The following KIFC1 variants were observed in gnomAD, a reference collection of about 807,000 sequenced individuals.
KIFC1 encodes the protein kinesin-like protein KIFC1.
A neutral mutation model predicts 66.6 loss-of-function variants in KIFC1; 37 were observed. That is an observed-to-expected ratio of 0.56 (90% CI 0.43 to 0.73). The LOEUF is 0.73. Ranked by LOEUF, KIFC1 falls within the 30% of genes least tolerant of loss-of-function variation. KIFC1 has a pLI of 0.00. For synonymous variants in KIFC1, 325 were observed against 343.5 expected, an observed-to-expected ratio of 0.95 and a Z score of 0.60; for missense variants, 721 against 859.8, an observed-to-expected ratio of 0.84 and a Z score of 2.02.
At position 33,405,133 on chromosome 6, in the gene KIFC1, C is replaced by A; in HGVS notation, c.1038C>A (p.Thr346=). The A allele has an allele frequency of 6.2e-7, 1 of 1,614,156 alleles. No homozygotes were observed. Among genetic ancestry groups the A allele is most frequent in the Non-Finnish European group, 8.5e-7 (1 of 1,180,042 alleles). ...CTGGTGGGCCCTCTGATCCTCCAACCCGCCTTAGCCTCTCCCGGTCTGACG... is the reference window on the plus strand; with the variant it reads ...CTGGTGGGCCCTCTGATCCTCCAACACGCCTTAGCCTCTCCCGGTCTGACG... ...SGPGGPSDPP[T]RLSLSRSDER... Residue 346 remains threonine, a synonymous_variant, in exon 7 of 11, where the codon ACC becomes ACA. Coordinates refer to ENST00000428849, the MANE Select transcript of KIFC1 (RefSeq NM_002263.4). This position sits in a 1 kb window ranked among gnomAD's most constrained non-coding sequence, Gnocchi z 5.4.
At position 33,409,754 on chromosome 6, in the gene KIFC1, T is replaced by TCC. The variant is rs1161045535; in HGVS notation, c.*66_*67dup. The TCC allele has an allele frequency of 1.2e-4, 165 of 1,343,402 alleles. No individual in the cohort carries two copies. In the African/African-American group the frequency reaches 2.0e-3, roughly 16 times the overall value. 83.2% of individuals were successfully genotyped at this position (1,343,402 alleles called of 1,614,324 possible). ...GTGTGTGTGTGTGTGTGTGTGTGTGTCCCTATGTCTATGTATCGGGTGAGG... is the reference window on the plus strand; with the variant it reads ...GTGTGTGTGTGTGTGTGTGTGTGTGTCCCCCTATGTCTATGTATCGGGTGAGG... On this transcript the variant is annotated 3_prime_UTR_variant, in exon 11 of 11. Transcript: ENST00000428849.
rs1263187066 is a variant in KIFC1 at position 33,406,072 on chromosome 6, T to TA, written c.1537-123dup. On this transcript the variant is annotated intron_variant, in intron 7 of 10. Coordinates refer to ENST00000428849, the MANE Select transcript of KIFC1 (RefSeq NM_002263.4). The surrounding 1 kb of genome is among the most constrained non-coding windows in gnomAD (Gnocchi z 4.5). ...CCATTTTCAGACATACTGTGCATCTTATTTTGTTTCTTGACAGGCTAGAAA... is the reference window on the plus strand; with the variant it reads ...CCATTTTCAGACATACTGTGCATCTTAATTTTGTTTCTTGACAGGCTAGAAA... 2.2e-5 allele frequency: 19 copies of TA among 871,602 alleles called. No homozygotes were observed. The highest frequency in any genetic ancestry group is 5.3e-6 in the Non-Finnish European group (3 of 565,628). 54.0% of individuals were successfully genotyped at this position (871,602 alleles called of 1,614,324 possible). A position where few individuals can be genotyped will look rare whatever the true frequency, so the allele number is the denominator to read the frequency against.
At chr6:33,393,032 G>T (rs571133751) in intron 1 of KIFC1, among the ~76,000 whole-genome samples, 21 of 152,254 alleles carry the variant, frequency 1.4e-4, no homozygotes, top group African/African-American at 4.8e-4. Context: ...GAAATTCAAG[G>T]TTGAGGACAT....
At chr6:33,393,325 C>T (rs987947553) in intron 1 of KIFC1, among the ~76,000 whole-genome samples, 5 of 150,898 alleles carry the variant, frequency 3.3e-5, no homozygotes, top group African/African-American at 7.3e-5. Flanking sequence ...TTGTGGGGGT[C>T]GTTGTGAGGA....
upstream of KIFC1, chr6:33,391,669 C>A (rs1348384448): frequency 1.8e-6 from 1 of 560,752 alleles, no homozygotes; most frequent in Non-Finnish European, 3.2e-6. Context: ...AATCCGCCTA[C>A]CTCTCCTGCG....
chr6:33,392,407 T>A (rs1346567782), intron 1 of KIFC1, among the ~76,000 whole-genome samples: 1 of 152,252 alleles, frequency 6.6e-6, no homozygotes, highest in Non-Finnish European at 1.5e-5. Context: ...ACATCCTTGC[T>A]GAGGTCCTTT....
Position 33,406,841 on chromosome 6 carries a change from C to T in KIFC1, c.1943C>T (p.Ser648Phe). 1 of 1,614,124 alleles carries T rather than the reference C, an allele frequency of 6.2e-7. No homozygotes were observed. Among genetic ancestry groups the T allele is most frequent in the Non-Finnish European group, 8.5e-7 (1 of 1,180,010 alleles). ...VNISPLEENVSESLNSLRFAS... is the reference protein window; with the variant it reads ...VNISPLEENVFESLNSLRFAS... ...ATTTCTCCACTGGAAGAGAACGTCT[C>T]CGAGTCCCTCAACTCTCTACGCTTT... Residue 648 changes from serine to phenylalanine, a missense_variant, in exon 10 of 11, where the codon TCC becomes TTC. By Grantham distance (155) the Ser-to-Phe change is radical (BLOSUM62 -2). Transcript: ENST00000428849. The surrounding 1 kb of genome is among the most constrained non-coding windows in gnomAD (Gnocchi z 4.5).
At chr6:33,393,866 C>T (rs1205958761) in intron 1 of KIFC1, among the ~76,000 whole-genome samples, 17 of 151,778 alleles carry the variant, frequency 1.1e-4, no homozygotes, top group Non-Finnish European at 1.2e-4. Context: ...CCTGCCTCAG[C>T]CTCCCGAGTA....
chr6:33,408,984 C>A (rs145646205), intron 10 of KIFC1, among the ~76,000 whole-genome samples: 2 of 152,120 alleles, frequency 1.3e-5, no homozygotes, highest in Non-Finnish European at 2.9e-5. Context: ...CATCCTAACA[C>A]GGTGAAACCC....
At position 33,405,287 on chromosome 6, in the gene KIFC1, G is replaced by C; in HGVS notation, c.1192G>C (p.Ala398Pro). The C allele has an allele frequency of 1.2e-6, 2 of 1,614,160 alleles. No homozygotes were observed. The highest frequency in any genetic ancestry group is 1.7e-6 in the Non-Finnish European group (2 of 1,180,028). Residue 398 changes from alanine (A) to proline (P), a missense_variant, in exon 7 of 11, where the codon GCC (alanine) becomes CCC (proline). Ala to Pro is a conservative substitution (Grantham distance 27, BLOSUM62 -1). Transcript: ENST00000428849. This position sits in a 1 kb window ranked among gnomAD's most constrained non-coding sequence, Gnocchi z 5.4. ...AGAGATTGCCATGCTTGTCCAGTCAGCCCTGGATGGCTATCCAGTATGCAT... is the reference window on the plus strand; with the variant it reads ...AGAGATTGCCATGCTTGTCCAGTCACCCCTGGATGGCTATCCAGTATGCAT... Reference protein sequence around the residue: ...FEEIAMLVQSALDGYPVCIFA... With the variant: ...FEEIAMLVQSPLDGYPVCIFA...
At chr6:33,391,507 A>T, upstream of KIFC1, 1 of 184,940 alleles carries the variant, frequency 5.4e-6, no homozygotes, top group South Asian at 7.7e-5. Flanking sequence ...TCCGGCCGCC[A>T]CCAGTTTCGC....
intron 10 of KIFC1, among the ~76,000 whole-genome samples, chr6:33,408,792 A>G (rs1366619471): frequency 6.6e-6 from 1 of 152,148 alleles, no homozygotes; most frequent in African/African-American, 2.4e-5. Flanking sequence ...GTAGCCACCA[A>G]AAGTGTTGGG....
In KIFC1 at chr6:33,392,010, G is replaced by C. The variant is rs1774807976; in HGVS notation, c.12+13G>C. 1.2e-6 allele frequency: 2 copies of C among 1,613,302 alleles called. No homozygotes were observed. Among genetic ancestry groups the C allele is most frequent in the Non-Finnish European group, 1.7e-6 (2 of 1,179,862 alleles). ...CATGGATCCGCAGGTGAGTAGGGGC[G>C]GCGCAGGTGTCCTGCCCTGGGGATG... On this transcript the variant is annotated intron_variant, in intron 1 of 10. Transcript: ENST00000428849.
At position 33,404,963 on chromosome 6, in the gene KIFC1, C is replaced by T; in HGVS notation, c.868C>T (p.Leu290Phe). 1 of 1,614,154 alleles carries T rather than the reference C, an allele frequency of 6.2e-7. No individual in the cohort carries two copies. Among genetic ancestry groups the T allele is most frequent in the Admixed American group, 1.7e-5 (1 of 60,020 alleles). ...AALLTEREER[L>F]HGLEMERRRL... Reference sequence around the variant, plus strand: ...CTTACTGACTGAGCGGGAAGAACGTCTTCATGGGCTAGAAATGGAGCGCCG... The same window carrying T: ...CTTACTGACTGAGCGGGAAGAACGTTTTCATGGGCTAGAAATGGAGCGCCG... The change falls in exon 7 of 11, where the codon CTT becomes TTT. Residue 290 changes from leucine to phenylalanine, a missense_variant. Transcript: ENST00000428849. This position sits in a 1 kb window ranked among gnomAD's most constrained non-coding sequence, Gnocchi z 4.0.
rs988814306 is a variant in KIFC1, at chr6:33,400,317, C to T, written c.250+1930C>T. 1.6e-5 allele frequency: 26 copies of T among 1,582,552 alleles called. No homozygotes were observed. Among genetic ancestry groups the T allele is most frequent in the Admixed American group, 1.5e-4 (9 of 59,812 alleles). On this transcript the variant is annotated intron_variant, in intron 3 of 10. Transcript: ENST00000428849. This position sits in a 1 kb window ranked among gnomAD's most constrained non-coding sequence, Gnocchi z 4.3. ...GTGGTTTCTTGAGGGCTTTGATGATCGGGGCAGAGGCAGAAGGCACCACCT... is the reference window on the plus strand; with the variant it reads ...GTGGTTTCTTGAGGGCTTTGATGATTGGGGCAGAGGCAGAAGGCACCACCT...
In KIFC1 at chr6:33,401,732, C is replaced by T. The variant is rs1462522876; in HGVS notation, c.251-1582C>T. Among the ~76,000 whole-genome samples the T allele has an allele frequency of 7.3e-5, 11 of 150,048 alleles. No homozygotes were observed. The highest frequency in any genetic ancestry group is 2.7e-4 in the Admixed American group (4 of 15,018). ...TTTTTTTTTTTTTGAGACGGAGTCTCGCACTGTCGCCCAGGCTAGAGTGCA... is the reference window on the plus strand; with the variant it reads ...TTTTTTTTTTTTTGAGACGGAGTCTTGCACTGTCGCCCAGGCTAGAGTGCA... On this transcript the variant is annotated intron_variant, in intron 3 of 10. Transcript: ENST00000428849. This position sits in a 1 kb window ranked among gnomAD's most constrained non-coding sequence, Gnocchi z 4.5.
rs1372574999 is a variant in KIFC1 at position 33,405,062 on chromosome 6, G to T, written c.967G>T (p.Gly323Trp). 1 of 1,613,954 alleles carries T rather than the reference G, an allele frequency of 6.2e-7. No homozygotes were observed. The highest frequency in any genetic ancestry group is 1.3e-5 in the African/African-American group (1 of 74,910). ...VFCRVRPVLP[G>W]EPTPPPGLLL... is the part of the protein sequence containing the mutation. ...CTGCCGGGTCCGCCCTGTCCTGCCGGGGGAGCCCACTCCACCCCCTGGCCT... is the reference window on the plus strand; with the variant it reads ...CTGCCGGGTCCGCCCTGTCCTGCCGTGGGAGCCCACTCCACCCCCTGGCCT... Residue 323 changes from glycine to tryptophan, a missense_variant, in exon 7 of 11, where the codon GGG (glycine) becomes TGG (tryptophan). Gly to Trp is a radical substitution (Grantham distance 184, BLOSUM62 -2). Transcript: ENST00000428849. The surrounding 1 kb of genome is among the most constrained non-coding windows in gnomAD (Gnocchi z 5.4).
chr6:33,409,705 C>CTCTG lies in KIFC1; in HGVS notation c.*16_*17insCTGT, dbSNP rs879041071. On this transcript the variant is annotated 3_prime_UTR_variant, in exon 11 of 11. Coordinates refer to ENST00000428849, the MANE Select transcript of KIFC1 (RefSeq NM_002263.4). Reference sequence around the variant, plus strand: ...ACAGGAAGTGAAGACGGATCCAGATCTGTGTGTGTGTGTGTGTGTGTGTGT... The same window carrying CTCTG: ...ACAGGAAGTGAAGACGGATCCAGATCTCTGTGTGTGTGTGTGTGTGTGTGTGTGT... 0.018 allele frequency: 23,303 copies of CTCTG among 1,259,970 alleles called. 1,698 individuals carry two copies. The highest frequency in any genetic ancestry group is 0.043 in the Admixed American group (2,290 of 52,936). The allele number at this position is 1,259,970 out of a possible 1,614,324, so 78.0% of individuals were successfully genotyped here. A position where few individuals can be genotyped will look rare whatever the true frequency, so the allele number is the denominator to read the frequency against.
chr6:33,400,273 T>C lies in KIFC1; in HGVS notation c.250+1886T>C, dbSNP rs1775305033. On this transcript the variant is annotated intron_variant, in intron 3 of 10. Transcript: ENST00000428849. This position sits in a 1 kb window ranked among gnomAD's most constrained non-coding sequence, Gnocchi z 4.3. ...ATTCCCATTGTGTTTAATGTTTTTC[T>C]GTTTCTTTCTGTCTCTTGGTGGTTT... 3.2e-6 allele frequency: 5 copies of C among 1,569,990 alleles called. No homozygotes were observed. Among genetic ancestry groups the C allele is most frequent in the East Asian group, 2.2e-5 (1 of 44,658 alleles).
Sources: gnomAD v4.1 joint callset for allele counts (sites outside exome capture counted in the v4.1 genomes callset) on GRCh38, gnomAD v4.1.1 for gene constraint, Gnocchi (gnomAD v3.1) non-coding constraint, MANE v1.5 for transcripts, NCBI Gene and HGNC (gene_info 2026-07-23, HGNC 2026-07-21) for gene names.